The following KIF3A variants were observed in gnomAD, a reference collection of about 807,000 sequenced individuals.
KIF3A encodes the protein kinesin family member 3A, also known as kinesin-like protein KIF3A.
Under a neutral mutation model 92.6 loss-of-function variants are expected in KIF3A, and 27 were observed. That is an observed-to-expected ratio of 0.29 (90% confidence interval 0.21 to 0.40). The LOEUF (loss-of-function observed/expected upper bound fraction) is 0.40, where lower values mean the gene tolerates loss of function less well. Ranked by LOEUF, KIF3A falls within the 10% of genes least tolerant of loss-of-function variation. The pLI, the probability that KIF3A is intolerant of heterozygous loss-of-function variation, is 1.00. For missense variants in KIF3A, 581 were observed against 872.6 expected (o/e 0.67, Z 4.21); for synonymous variants, 250 against 275.4 (o/e 0.91, Z 0.92).
chr5:132,700,077 T>G, intron 17 of KIF3A, 139 bp downstream of exon 17: 1 of 609,746 alleles, frequency 1.6e-6, no homozygotes, highest in African/African-American at 1.9e-5. Flanking sequence ...AGAGCCTTTA[T>G]TCCCAAAAGT....
Position 132,724,806 on chromosome 5 carries a change from A to AAAAAATT in KIF3A, c.510+1321_510+1322insAATTTTT, listed in dbSNP as rs59476182. Among the ~76,000 whole-genome samples the AAAAAATT allele has an allele frequency of 6.9e-3, 156 of 22,668 alleles. 13 individuals carry two copies. The highest frequency in any genetic ancestry group is 0.022 in the East Asian group (13 of 578). 14.9% of individuals were successfully genotyped at this position (22,668 alleles called of 152,430 possible). On this transcript the variant is annotated intron_variant, in intron 4 of 18. Transcript: ENST00000403231. ...TTAAAGTATAATAAAAAAAAAAAAA[A>AAAAAATT]ATATATATATATATATATATATATA...
chr5:132,712,022 A>C (rs1753443647), intron 8 of KIF3A, among the ~76,000 whole-genome samples: 1 of 152,260 alleles, frequency 6.6e-6, no homozygotes, highest in African/African-American at 2.4e-5. Context: ...AAAAAAGTAA[A>C]ATATACTCTA....
In KIF3A at chr5:132,719,008, G is replaced by T. The variant is rs116491532; in HGVS notation, c.616+1601C>A. ...TTTACATAATCAGGGTTTTATTGAA[G>T]GTTATTTAGATTGTTACATCTAAAA... On this transcript the variant is annotated intron_variant, in intron 5 of 18. Coordinates refer to ENST00000403231, the MANE Select transcript of KIF3A (RefSeq NM_001300791.2). 5.3e-3 allele frequency among the ~76,000 whole-genome samples: 812 copies of T among 152,244 alleles called. 1 individual carries two copies. Among genetic ancestry groups the T allele is most frequent in the African/African-American group, 0.018 (735 of 41,556 alleles).
chr5:132,733,636 G>A (rs542471728), intron 2 of KIF3A, among the ~76,000 whole-genome samples: 49 of 152,248 alleles, frequency 3.2e-4, no homozygotes, highest in African/African-American at 9.9e-4. Context: ...GTGTGGTGGC[G>A]CACAGCTGTA....
Position 132,726,415 on chromosome 5 carries a change from T to G in KIF3A, c.364A>C (p.Ile122Leu), listed in dbSNP as rs779258993. 1.2e-6 allele frequency: 2 copies of G among 1,613,858 alleles called. No homozygotes were observed. Among genetic ancestry groups the G allele is most frequent in the Non-Finnish European group, 8.5e-7 (1 of 1,179,764 alleles). ...GVRAIPELRG[I>L]IPNSFAHIFG... is the part of the protein sequence containing the mutation. ...ATGTGAGCAAATGAATTGGGAATTATTCCTCTAAGTTCAGGAATAGCTCGA... is the reference window on the plus strand; with the variant it reads ...ATGTGAGCAAATGAATTGGGAATTAGTCCTCTAAGTTCAGGAATAGCTCGA... Residue 122 changes from isoleucine to leucine, a missense_variant, in exon 3 of 19, where the codon ATA becomes CTA. Physicochemically the swap from Ile to Leu is conservative, Grantham distance 5. This residue lies in a region of KIF3A where 217 missense variants were observed against 299.7 expected (regional missense o/e 0.72). Coordinates refer to ENST00000403231, the MANE Select transcript of KIF3A (RefSeq NM_001300791.2).
chr5:132,698,289 T>C (rs1011625841), intron 18 of KIF3A, among the ~76,000 whole-genome samples: 3 of 151,798 alleles, frequency 2.0e-5, no homozygotes, highest in African/African-American at 7.3e-5. Flanking sequence ...TCAGCTTAAA[T>C]AAACTGAACA....
At chr5:132,712,667 C>T (rs777515080) in intron 8 of KIF3A, among the ~76,000 whole-genome samples, 1 of 152,178 alleles carries the variant, frequency 6.6e-6, no homozygotes, top group Admixed American at 6.5e-5. Flanking sequence ...CCACAAGATA[C>T]ATGTTAATTA....
At chr5:132,696,838 C>T (rs1427327699) in intron 18 of KIF3A, among the ~76,000 whole-genome samples, 156 bp from the exon 19 acceptor site, 2 of 152,186 alleles carry the variant, frequency 1.3e-5, no homozygotes, top group Admixed American at 6.5e-5. Flanking sequence ...AATTAATGCT[C>T]GCCTTTTCAG....
downstream of KIF3A, among the ~76,000 whole-genome samples, chr5:132,691,961 T>TTAAAA (rs1191979396): frequency 4.0e-5 from 6 of 149,078 alleles, no homozygotes; most frequent in African/African-American, 1.2e-4. Flanking sequence ...AAAATAAAAT[T>TTAAAA]TAAAATAAAA....
intron 7 of KIF3A, 110 bp downstream of exon 7, chr5:132,716,135 C>T: frequency 9.9e-7 from 1 of 1,014,300 alleles, no homozygotes; most frequent in East Asian, 2.6e-5. Flanking sequence ...AACCACAAGT[C>T]AAAAAAAGTA....
At chr5:132,730,188 T>C (rs2406410) in intron 2 of KIF3A, among the ~76,000 whole-genome samples, 60,272 of 151,942 alleles carry the variant, frequency 0.4, 18,432 homozygotes, top group African/African-American at 0.82. Context: ...AAAAACTGGC[T>C]GGGCACGGTG....
At chr5:132,690,464 G>A (rs543813989), downstream of KIF3A, among the ~76,000 whole-genome samples, 40 of 152,190 alleles carry the variant, frequency 2.6e-4, no homozygotes, top group African/African-American at 8.4e-4. Flanking sequence ...ACTGTAGAAT[G>A]ACTATAGTAA....
At position 132,734,224 on chromosome 5, in the gene KIF3A, A is replaced by G; in HGVS notation, c.261T>C (p.Ser87=). The change falls in exon 2 of 19, where the codon TCT becomes TCC. Residue 87 remains serine, a synonymous_variant. Coordinates refer to ENST00000403231, the MANE Select transcript of KIF3A (RefSeq NM_001300791.2). ...ACTTACCATTGTAGCCTTCAAGTAC[A>G]GAATCAATAATAGGTCTTGCAGTTA... ...YNLTARPIID[S]VLEGYNGTIF... is the part of the protein sequence containing the mutation. 1 of 1,613,162 alleles carries G rather than the reference A, an allele frequency of 6.2e-7. No homozygotes were observed. Among genetic ancestry groups the G allele is most frequent in the Non-Finnish European group, 8.5e-7 (1 of 1,179,528 alleles).
intron 1 of KIF3A, among the ~76,000 whole-genome samples, 163 bp from the exon 2 acceptor site, chr5:132,734,641 C>A (rs7732667): frequency 6.6e-6 from 1 of 152,006 alleles, no homozygotes; most frequent in African/African-American, 2.4e-5. Flanking sequence ...TTACATATAG[C>A]TGAAAAGTTT....
In KIF3A at chr5:132,699,249, T is replaced by C. The variant is rs1381215977; in HGVS notation, c.2054A>G (p.Glu685Gly). 1.9e-6 allele frequency: 3 copies of C among 1,613,412 alleles called. No homozygotes were observed. The highest frequency in any genetic ancestry group is 2.7e-5 in the African/African-American group (2 of 74,896). Residue 685 changes from glutamate to glycine, a missense_variant, in exon 18 of 19, where the codon GAG (glutamate) becomes GGG (glycine). Around this residue, in one of 5 missense-constraint regions of KIF3A, gnomAD observed 112 missense variants for 144.3 expected, o/e 0.78. Transcript: ENST00000403231. Reference protein sequence around the residue: ...LSHVYLAYTEESLRQSLMKLE... With the variant: ...LSHVYLAYTEGSLRQSLMKLE... ...TTTCATCAAAGACTGACGCAGACTC[T>C]CCTCAGTATAGGCAAGATACACGTG...
intron 4 of KIF3A, among the ~76,000 whole-genome samples, chr5:132,721,099 T>C (rs965273533): frequency 6.6e-6 from 1 of 151,972 alleles, no homozygotes; most frequent in Non-Finnish European, 1.5e-5. Context: ...AACTAGGCAC[T>C]TACAAAAAAT....
At chr5:132,723,028 T>C (rs1430924921) in intron 4 of KIF3A, 1 of 152,206 alleles carries the variant, frequency 6.6e-6, no homozygotes, top group Non-Finnish European at 1.5e-5. Flanking sequence ...TATAGGTAGA[T>C]TTTATTAATG....
At chr5:132,703,401 A>G in intron 12 of KIF3A, 62 bp downstream of exon 12, 1 of 1,408,100 alleles carries the variant, frequency 7.1e-7, no homozygotes, top group Non-Finnish European at 9.8e-7. Context: ...TTCCTATTTT[A>G]TATATCCTAG....
chr5:132,737,532 A>G lies in KIF3A; in HGVS notation c.-113T>C. 2 of 1,270,416 alleles carry G rather than the reference A, an allele frequency of 1.6e-6. No homozygotes were observed. The highest frequency in any genetic ancestry group is 5.0e-5 in the Admixed American group (2 of 39,948). The allele number at this position is 1,270,416 out of a possible 1,614,324, so 78.7% of individuals were successfully genotyped here. On this transcript the variant is annotated 5_prime_UTR_variant, in exon 1 of 19. Coordinates refer to ENST00000403231, the MANE Select transcript of KIF3A (RefSeq NM_001300791.2). ...CCGAAACACCTCGTTGACGCTCTCGAGACTGCGGCTTCTCGGGCGAGAGCG... is the reference window on the plus strand; with the variant it reads ...CCGAAACACCTCGTTGACGCTCTCGGGACTGCGGCTTCTCGGGCGAGAGCG...
Sources: gnomAD v4.1 joint callset for allele counts (sites outside exome capture counted in the v4.1 genomes callset) on GRCh38, gnomAD v4.1.1 for gene constraint, gnomAD v4.1.1 regional missense constraint, MANE v1.5 for transcripts, NCBI Gene and HGNC (gene_info 2026-07-23, HGNC 2026-07-21) for gene names.